The following GLYR1 variants were observed in gnomAD, a reference collection of about 807,000 sequenced individuals.
GLYR1 encodes the protein glyoxylate reductase 1 homolog.
In GLYR1, 21 loss-of-function variants were observed where a neutral mutation model predicts 72.7. The ratio of observed to expected loss-of-function variants is 0.29; its 90% CI spans 0.20 to 0.42. GLYR1 has a LOEUF of 0.42. Ranked by LOEUF, GLYR1 falls within the 10% of genes least tolerant of loss-of-function variation. GLYR1 has a pLI of 1.00. For synonymous variants in GLYR1, 392 were observed against 270.2 expected (o/e 1.45, Z -4.42); for missense variants, 594 against 712.1 (o/e 0.83, Z 1.89).
intron 5 of GLYR1, among the ~76,000 whole-genome samples, chr16:4,828,050 A>G (rs1166028114): frequency 6.6e-6 from 1 of 151,502 alleles, no homozygotes; most frequent in Non-Finnish European, 1.5e-5. Flanking sequence ...GCAATGAAGT[A>G]TTTTTAACTT....
At chr16:4,822,976 A>G in intron 6 of GLYR1, 45 bp from the exon 7 acceptor site, 1 of 1,521,700 alleles carries the variant, frequency 6.6e-7, no homozygotes, top group Non-Finnish European at 9.1e-7. Flanking sequence ...TCTGCCACCA[A>G]AGGTCACTTC....
At chr16:4,841,082 G>GC (rs1184411539) in intron 3 of GLYR1, among the ~76,000 whole-genome samples, 4 of 152,194 alleles carry the variant, frequency 2.6e-5, no homozygotes, top group South Asian at 4.2e-4. Flanking sequence ...TAAAAATATT[G>GC]CATTTAGCAG....
intron 3 of GLYR1, among the ~76,000 whole-genome samples, chr16:4,834,341 C>T (rs549040061): frequency 3.7e-5 from 5 of 135,542 alleles, no homozygotes; most frequent in Non-Finnish European, 7.6e-5. Context: ...ACTCTTGTTG[C>T]CCAGGCTGGA....
chr16:4,816,096 A>C (rs2083625280), intron 10 of GLYR1, among the ~76,000 whole-genome samples: 1 of 151,898 alleles, frequency 6.6e-6, no homozygotes, highest in South Asian at 2.1e-4. Flanking sequence ...ATTACTCCTG[A>C]TTACCGAATA....
intron 5 of GLYR1, 81 bp downstream of exon 5, chr16:4,831,885 GATAAGCATACTAC>G: frequency 1.3e-6 from 2 of 1,499,174 alleles, no homozygotes; most frequent in African/African-American, 1.4e-5. Context: ...GCAGAGTATA[GATAAGCATACTAC>G]ATAAGCATAC....
intron 3 of GLYR1, among the ~76,000 whole-genome samples, chr16:4,842,359 T>C (rs1313628693): frequency 6.6e-6 from 1 of 152,182 alleles, no homozygotes; most frequent in African/African-American, 2.4e-5. Context: ...TAGAATTCTT[T>C]TTCTTTTTAA....
intron 6 of GLYR1, 71 bp from the exon 7 acceptor site, chr16:4,823,002 T>G (rs1473234560): frequency 7.3e-6 from 9 of 1,232,778 alleles, no homozygotes; most frequent in Non-Finnish European, 1.1e-5. Flanking sequence ...CCCTGGTAAC[T>G]GGACTCTCCT....
At chr16:4,834,295 CTTTTTTT>C (rs778256795) in intron 3 of GLYR1, among the ~76,000 whole-genome samples, 17 of 118,354 alleles carry the variant, frequency 1.4e-4, no homozygotes, top group Middle Eastern at 4.5e-3. Flanking sequence ...AGGCAAATTC[CTTTTTTT>C]TTTTTTTTTT....
chr16:4,825,633 T>G (rs893141129), intron 5 of GLYR1, among the ~76,000 whole-genome samples: 1 of 151,080 alleles, frequency 6.6e-6, no homozygotes, highest in Admixed American at 6.7e-5. Flanking sequence ...TGCCCCTTCA[T>G]GAAACAGAAT....
chr16:4,806,282 G>T (rs1436087087), intron 15 of GLYR1, among the ~76,000 whole-genome samples: 3 of 152,210 alleles, frequency 2.0e-5, no homozygotes, highest in Admixed American at 1.3e-4. Flanking sequence ...GGATGAGGGA[G>T]AGGAAGGGGG....
In GLYR1 at chr16:4,838,001, ACAAAGATGGGGC is replaced by A. The variant is rs557426622; in HGVS notation, c.156-5101_156-5090del. ...GATAAGAATAAAAATACAGGTGAGA[ACAAAGATGGGGC>A]CAGAAGGTGTGGGTTTGCTTCTCCA... On this transcript the variant is annotated intron_variant, in intron 3 of 15. Transcript: ENST00000321919. Among the ~76,000 whole-genome samples the A allele has an allele frequency of 3.9e-5, 6 of 152,144 alleles. No individual in the cohort carries two copies. In the East Asian group the frequency reaches 9.7e-4, roughly 24 times the overall value.
chr16:4,806,251 G>A (rs756915921), intron 15 of GLYR1, among the ~76,000 whole-genome samples: 205 of 152,318 alleles, frequency 1.3e-3, no homozygotes, highest in Non-Finnish European at 2.5e-3. Flanking sequence ...CAGTGCCGAG[G>A]TTGAGAAACC....
At chr16:4,805,838 G>A (rs2082936696) in intron 15 of GLYR1, among the ~76,000 whole-genome samples, 2 of 151,898 alleles carry the variant, frequency 1.3e-5, no homozygotes, top group Non-Finnish European at 2.9e-5. Context: ...AAAATTAGCC[G>A]GGCATGGTGG....
At chr16:4,829,154 C>T (rs1197249268) in intron 5 of GLYR1, among the ~76,000 whole-genome samples, 1 of 152,044 alleles carries the variant, frequency 6.6e-6, no homozygotes, top group Non-Finnish European at 1.5e-5. Context: ...TCACCACTCC[C>T]TCAGCCTGAG....
chr16:4,840,229 C>G (rs2085452316), intron 3 of GLYR1: 1 of 152,600 alleles, frequency 6.6e-6, no homozygotes, highest in South Asian at 2.1e-4. Flanking sequence ...CCAAACTCCT[C>G]TAGGCCATTC....
At chr16:4,816,710 G>T (rs2083661269) in intron 10 of GLYR1, among the ~76,000 whole-genome samples, 1 of 151,998 alleles carries the variant, frequency 6.6e-6, no homozygotes, top group Non-Finnish European at 1.5e-5. Context: ...TGTGGGCCAG[G>T]CACAGTGGCT....
chr16:4,815,565 C>G (rs2083584026), intron 10 of GLYR1, among the ~76,000 whole-genome samples: 1 of 152,128 alleles, frequency 6.6e-6, no homozygotes, highest in South Asian at 2.1e-4. Flanking sequence ...AAATTCAGGT[C>G]TCCACAAATA....
At chr16:4,831,098 C>T (rs1376920374) in intron 5 of GLYR1, among the ~76,000 whole-genome samples, 2 of 152,288 alleles carry the variant, frequency 1.3e-5, no homozygotes, top group Admixed American at 6.5e-5. Flanking sequence ...AAAGTGATGA[C>T]CACTTTCCCA....
rs1232498264 is a variant in GLYR1 at position 4,840,142 on chromosome 16, T to A, written c.155+4932A>T. ...TGCAATACCTGTTTACACCACCTCT[T>A]AAACGCCCCTTTTATGCAGTGCTCC... On this transcript the variant is annotated intron_variant, in intron 3 of 15. Transcript: ENST00000321919. The A allele has an allele frequency of 2.6e-5, 4 of 152,624 alleles. No individual in the cohort carries two copies. The East Asian group carries it at 7.7e-4, about 29-fold the overall frequency. The allele number at this position is 152,624 out of a possible 1,614,324, so 9.5% of individuals were successfully genotyped here. A position where few individuals can be genotyped will look rare whatever the true frequency, so the allele number is the denominator to read the frequency against.
Sources: allele counts gnomAD v4.1 joint callset (sites outside exome capture counted in the v4.1 genomes callset), GRCh38; gene constraint gnomAD v4.1.1; transcripts MANE v1.5; gene names NCBI Gene and HGNC (gene_info 2026-07-23, HGNC 2026-07-21).